The following SCMH1 variants were observed in gnomAD, a reference collection of about 807,000 sequenced individuals.
The protein encoded by SCMH1 is polycomb protein SCMH1.
In SCMH1, 37 loss-of-function variants were observed where a neutral mutation model predicts 70.8. The observed-to-expected ratio is 0.52, with a 90% confidence interval of 0.40 to 0.69. SCMH1 has a LOEUF of 0.69. Ranked by LOEUF, SCMH1 falls within the 30% of genes least tolerant of loss-of-function variation. The probability of loss-of-function intolerance (pLI) is 0.00; values close to 1 mark genes in which losing one functional copy is unlikely to be tolerated. For synonymous variants in SCMH1, 292 were observed against 307.4 expected (o/e 0.95, Z 0.52); for missense variants, 607 against 827.3 (o/e 0.73, Z 3.27).
chr1:41,089,932 C>T (rs1217522734), intron 8 of SCMH1, among the ~76,000 whole-genome samples: 2 of 151,858 alleles, frequency 1.3e-5, no homozygotes, highest in Admixed American at 1.3e-4. Context: ...GCTGGGACTA[C>T]AGGCATGTGC....
chr1:41,203,361 A>G (rs1422366188), intron 1 of SCMH1, among the ~76,000 whole-genome samples: 5 of 152,218 alleles, frequency 3.3e-5, no homozygotes. Flanking sequence ...TTTACTTAAA[A>G]TAAAATAAAA....
At chr1:41,177,439 T>C (rs1647280497) in intron 2 of SCMH1, among the ~76,000 whole-genome samples, 2 of 152,158 alleles carry the variant, frequency 1.3e-5, no homozygotes, top group South Asian at 2.1e-4. Context: ...ATCAAACGAC[T>C]CCGAGCTAAA....
At chr1:41,138,130 T>C (rs146667124) in intron 6 of SCMH1, among the ~76,000 whole-genome samples, 1 of 152,328 alleles carries the variant, frequency 6.6e-6, no homozygotes, top group East Asian at 1.9e-4. Context: ...CTGAAAACGA[T>C]TTCAGTATAA....
At chr1:41,084,678 G>A (rs1415707131) in intron 8 of SCMH1, among the ~76,000 whole-genome samples, 12 of 152,160 alleles carry the variant, frequency 7.9e-5, no homozygotes, top group African/African-American at 1.4e-4. Flanking sequence ...ACATGCACAC[G>A]TATGTTTACT....
intron 5 of SCMH1, among the ~76,000 whole-genome samples, chr1:41,148,169 T>G (rs1644753511): frequency 6.6e-6 from 1 of 152,212 alleles, no homozygotes; most frequent in Non-Finnish European, 1.5e-5. Context: ...AACCTTGTAA[T>G]AGTATACTTA....
At chr1:41,228,121 C>T (rs1300950177) in intron 1 of SCMH1, among the ~76,000 whole-genome samples, 1 of 152,132 alleles carries the variant, frequency 6.6e-6, no homozygotes. Flanking sequence ...GGAAGTTTTA[C>T]AGGGTCATGC....
At chr1:41,239,885 T>G (rs1052102383) in intron 1 of SCMH1, among the ~76,000 whole-genome samples, 3 of 152,204 alleles carry the variant, frequency 2.0e-5, no homozygotes. Context: ...GTTGCCTGCC[T>G]CAGCTTCCCA....
chr1:41,080,866 ATAAC>A (rs1209454778), intron 8 of SCMH1, among the ~76,000 whole-genome samples: 4 of 152,162 alleles, frequency 2.6e-5, no homozygotes, highest in African/African-American at 7.2e-5. Flanking sequence ...ATAAAACAAA[ATAAC>A]TACTATCACC....
At chr1:41,231,577 A>C (rs1661302081) in intron 1 of SCMH1, among the ~76,000 whole-genome samples, 5 of 152,090 alleles carry the variant, frequency 3.3e-5, no homozygotes, top group Admixed American at 3.3e-4. Context: ...AGACTTCCCT[A>C]ATTTTTACCT....
At position 41,160,895 on chromosome 1, in the gene SCMH1, G is replaced by A. The variant is rs755866378; in HGVS notation, c.86C>T (p.Ala29Val). 120 of 1,550,178 alleles carry A rather than the reference G, an allele frequency of 7.7e-5. 1 individual carries two copies. The highest frequency in any genetic ancestry group is 1.7e-4 in the Middle Eastern group (1 of 5,988). The stretch of plus-strand genomic sequence containing the variant: ...CTTACCTAGATCCAGGATGTCAGCA[G>A]CTTCTAGTAAAGAAAAAAATGTTGG... Residue 29 changes from alanine to valine, a missense_variant, in exon 4 of 15, where the codon GCT (alanine) becomes GTT (valine). By Grantham distance (64) the Ala-to-Val change is moderately conservative (BLOSUM62 0). Around this residue, in one of 3 missense-constraint regions of SCMH1, gnomAD observed 72 missense variants for 84.6 expected, o/e 0.85. Transcript: ENST00000337495.
chr1:41,151,581 T>C (rs771947904), intron 5 of SCMH1, 33 bp downstream of exon 5: 1 of 1,554,388 alleles, frequency 6.4e-7, no homozygotes, highest in Non-Finnish European at 8.8e-7. Context: ...ATGACTTATC[T>C]TCCACCTACT....
intron 6 of SCMH1, among the ~76,000 whole-genome samples, chr1:41,133,151 A>C (rs1012220447): frequency 3.9e-5 from 6 of 152,072 alleles, no homozygotes; most frequent in Admixed American, 2.0e-4. Flanking sequence ...CATTTTCACG[A>C]TATTGATTCA....
At chr1:41,155,165 G>A (rs1215353409) in intron 4 of SCMH1, among the ~76,000 whole-genome samples, 1 of 151,986 alleles carries the variant, frequency 6.6e-6, no homozygotes, top group Non-Finnish European at 1.5e-5. Context: ...TGCATACCAC[G>A]TGATAGTTAC....
intron 6 of SCMH1, among the ~76,000 whole-genome samples, chr1:41,122,445 T>C (rs1347545552): frequency 6.6e-6 from 1 of 152,204 alleles, no homozygotes; most frequent in African/African-American, 2.4e-5. Flanking sequence ...CTAGCCCCTA[T>C]CACCATCTGA....
chr1:41,075,848 AG>A (rs1020585894), intron 8 of SCMH1, among the ~76,000 whole-genome samples: 1 of 152,160 alleles, frequency 6.6e-6, no homozygotes, highest in African/African-American at 2.4e-5. Context: ...TGCCCTCCGC[AG>A]GTTACATAGT....
chr1:41,087,306 G>T (rs187321068), intron 8 of SCMH1, among the ~76,000 whole-genome samples: 8 of 152,162 alleles, frequency 5.3e-5, no homozygotes, highest in Admixed American at 1.3e-4. Context: ...TTCCTATAAT[G>T]AAAGGTTAAT....
chr1:41,237,298 C>G (rs983996273), intron 1 of SCMH1, among the ~76,000 whole-genome samples: 1 of 152,150 alleles, frequency 6.6e-6, no homozygotes, highest in Non-Finnish European at 1.5e-5. Context: ...CGAAGCCTAT[C>G]AATCAAATAA....
chr1:41,071,621 T>G (rs1044195709), intron 9 of SCMH1, among the ~76,000 whole-genome samples: 3 of 152,036 alleles, frequency 2.0e-5, no homozygotes, highest in East Asian at 1.9e-4. Flanking sequence ...GGGCAGTTTT[T>G]GGGGGAGAAA....
At chr1:41,200,151 T>A (rs563260875) in intron 1 of SCMH1, among the ~76,000 whole-genome samples, 1 of 152,296 alleles carries the variant, frequency 6.6e-6, no homozygotes, top group South Asian at 2.1e-4. Flanking sequence ...TTTACAACTG[T>A]ATACATTCCT....
Sources: gnomAD v4.1 joint callset for allele counts (sites outside exome capture counted in the v4.1 genomes callset) on GRCh38, gnomAD v4.1.1 for gene constraint, gnomAD v4.1.1 regional missense constraint, MANE v1.5 for transcripts, NCBI Gene and HGNC (gene_info 2026-07-23, HGNC 2026-07-21) for gene names.